The following SHISA9 variants were observed in gnomAD, a reference collection of about 807,000 sequenced individuals.
SHISA9 encodes protein shisa-9.
Under a neutral mutation model 38.0 loss-of-function variants are expected in SHISA9, and 13 were observed. The observed-to-expected ratio is 0.34, with a 90% confidence interval of 0.22 to 0.54. The LOEUF is 0.54. Among genes scored for constraint, SHISA9 ranks in the 20% least tolerant of loss-of-function variants. SHISA9 has a pLI of 0.91. For synonymous variants in SHISA9, 275 were observed against 242.0 expected (o/e 1.14, Z -1.27); for missense variants, 538 against 575.8 (o/e 0.93, Z 0.67).
chr16:13,019,873 TCC>T lies in SHISA9; in HGVS notation c.691+103060_691+103061del, dbSNP rs1567183997. 1.1e-3 allele frequency among the ~76,000 whole-genome samples: 37 copies of T among 34,762 alleles called. 1 individual carries two copies. The highest frequency in any genetic ancestry group is 6.0e-3 in the East Asian group (3 of 500). The allele number at this position is 34,762 out of a possible 152,430, so 22.8% of individuals were successfully genotyped here. A position where few individuals can be genotyped will look rare whatever the true frequency, so the allele number is the denominator to read the frequency against. Reference sequence around the variant, plus strand: ...CTCCCTCCCTCCCTCCCTCCCTCCCTCCCTCCCTCCCTTCTTTCTTTCTTTCT... The same window carrying T: ...CTCCCTCCCTCCCTCCCTCCCTCCCTCTCCCTCCCTTCTTTCTTTCTTTCT... On this transcript the variant is annotated intron_variant, in intron 2 of 4. Transcript: ENST00000558583.
chr16:12,925,663 A>G (rs2071384879), intron 2 of SHISA9, among the ~76,000 whole-genome samples: 1 of 152,208 alleles, frequency 6.6e-6, no homozygotes, highest in African/African-American at 2.4e-5. Flanking sequence ...TGCTCAACAC[A>G]GTGTCTGGTT....
chr16:13,063,427 C>T (rs371831778), intron 2 of SHISA9, among the ~76,000 whole-genome samples: 19 of 152,118 alleles, frequency 1.2e-4, no homozygotes, highest in African/African-American at 4.3e-4. Context: ...CTGGCATTCA[C>T]AAAGTACACA....
chr16:13,273,671 C>G, the SHISA9 span, among the ~76,000 whole-genome samples: 3 of 152,088 alleles, frequency 2.0e-5, no homozygotes, highest in African/African-American at 7.2e-5. Flanking sequence ...TAATACAACT[C>G]GCTAGAATCA....
intron 2 of SHISA9, among the ~76,000 whole-genome samples, chr16:13,022,093 C>T (rs942657842): frequency 3.9e-5 from 6 of 152,108 alleles, no homozygotes; most frequent in African/African-American, 1.4e-4. Context: ...CCATTTCCTG[C>T]CTCTGTCTCC....
chr16:13,264,311 A>C, the SHISA9 span, among the ~76,000 whole-genome samples: 2 of 151,516 alleles, frequency 1.3e-5, no homozygotes, highest in African/African-American at 4.9e-5. Flanking sequence ...AATAGCTGGG[A>C]TTACAGGTGG....
chr16:13,327,941 G>A, the SHISA9 span, among the ~76,000 whole-genome samples: 3 of 152,128 alleles, frequency 2.0e-5, no homozygotes, highest in Non-Finnish European at 4.4e-5. Flanking sequence ...TTACAGGTGT[G>A]AGCCACTGTG....
chr16:13,321,656 T>C, the SHISA9 span, among the ~76,000 whole-genome samples: 1 of 152,232 alleles, frequency 6.6e-6, no homozygotes, highest in Admixed American at 6.5e-5. Flanking sequence ...ATATTGTACA[T>C]GTTTCCTTTT....
At chr16:13,083,009 A>G (rs1011142818) in intron 2 of SHISA9, among the ~76,000 whole-genome samples, 2 of 152,134 alleles carry the variant, frequency 1.3e-5, no homozygotes, top group African/African-American at 4.8e-5. Flanking sequence ...GTTTTGCCCC[A>G]TTAGCAGCCA....
the SHISA9 span, among the ~76,000 whole-genome samples, chr16:13,529,983 G>C: frequency 2.3e-4 from 35 of 152,342 alleles, no homozygotes; most frequent in African/African-American, 8.2e-4. Context: ...TGGGAGTCTA[G>C]TGCTTGGCCG....
chr16:13,001,255 T>C (rs1294191530), intron 2 of SHISA9, among the ~76,000 whole-genome samples: 2 of 152,196 alleles, frequency 1.3e-5, no homozygotes. Flanking sequence ...GATGCAACTT[T>C]CTTGTTGGCT....
At chr16:13,492,933 T>C in the SHISA9 span, among the ~76,000 whole-genome samples, 1,083 of 152,160 alleles carry the variant, frequency 7.1e-3, 6 homozygotes, top group African/African-American at 0.022. Flanking sequence ...GAGGCCTCTG[T>C]GGCTAGAGAG....
intron 3 of SHISA9, among the ~76,000 whole-genome samples, chr16:13,211,807 T>C (rs6498397): frequency 0.22 from 33,621 of 152,156 alleles, 4,143 homozygotes; most frequent in East Asian, 0.36. Context: ...TGGATTTAAT[T>C]TGGGGTTCAG....
chr16:13,162,182 G>A (rs1742503318), intron 2 of SHISA9, among the ~76,000 whole-genome samples: 1 of 152,148 alleles, frequency 6.6e-6, no homozygotes. Context: ...TTCAGAGGGG[G>A]TGGGAGACAG....
intron 2 of SHISA9, among the ~76,000 whole-genome samples, chr16:13,030,261 C>T (rs916651692): frequency 6.6e-6 from 1 of 152,178 alleles, no homozygotes; most frequent in Non-Finnish European, 1.5e-5. Context: ...TGGGGGCTTT[C>T]TCTGACATGC....
At chr16:13,516,353 A>G in the SHISA9 span, among the ~76,000 whole-genome samples, 3 of 152,200 alleles carry the variant, frequency 2.0e-5, no homozygotes, top group Admixed American at 2.0e-4. Context: ...ATGTTTTTAA[A>G]TTTTTTTCCT....
At chr16:12,929,989 C>G (rs895352596) in intron 2 of SHISA9, among the ~76,000 whole-genome samples, 2 of 152,056 alleles carry the variant, frequency 1.3e-5, no homozygotes, top group African/African-American at 4.8e-5. Flanking sequence ...AATATCCCAG[C>G]CCATGTAAAG....
At chr16:12,988,346 C>T (rs2072340410) in intron 2 of SHISA9, among the ~76,000 whole-genome samples, 1 of 152,166 alleles carries the variant, frequency 6.6e-6, no homozygotes, top group Admixed American at 6.5e-5. Flanking sequence ...CCCCTTCTGC[C>T]AGTTGGATTT....
the SHISA9 span, among the ~76,000 whole-genome samples, chr16:13,254,041 T>G: frequency 6.6e-6 from 1 of 152,186 alleles, no homozygotes; most frequent in Non-Finnish European, 1.5e-5. Context: ...TCAGTGGTAG[T>G]TTTCAAAATG....
the SHISA9 span, among the ~76,000 whole-genome samples, chr16:13,302,096 C>T: frequency 6.6e-5 from 10 of 152,174 alleles, no homozygotes; most frequent in Admixed American, 5.9e-4. Context: ...TGCACTGGTC[C>T]TTTCTTCCTT....
Sources: gnomAD v4.1 joint callset for allele counts (sites outside exome capture counted in the v4.1 genomes callset) on GRCh38, gnomAD v4.1.1 for gene constraint, MANE v1.5 for transcripts, NCBI Gene and HGNC (gene_info 2026-07-23, HGNC 2026-07-21) for gene names.